TSC22D1: variants seen among roughly 807,000 people sequenced by gnomAD.
TSC22D1 encodes TSC22 domain family member 1.
TSC22D1 carries 9 observed loss-of-function variants against 74.2 expected under a neutral mutation model. The ratio of observed to expected loss-of-function variants is 0.12; its 90% CI spans 0.07 to 0.21. The LOEUF (loss-of-function observed/expected upper bound fraction) is 0.21, where lower values mean the gene tolerates loss of function less well. Ranked by LOEUF, TSC22D1 falls within the 10% of genes least tolerant of loss-of-function variation. TSC22D1 has a pLI of 1.00. For synonymous variants in TSC22D1, 586 were observed against 492.5 expected (o/e 1.19, Z -2.51); for missense variants, 1,427 against 1,304.7 (o/e 1.09, Z -1.44).
intron 1 of TSC22D1, among the ~76,000 whole-genome samples, chr13:44,447,264 G>T (rs933362729): frequency 6.6e-6 from 1 of 151,720 alleles, no homozygotes; most frequent in South Asian, 2.1e-4. Flanking sequence ...GATTATAGGC[G>T]TGAGCCACCA....
At chr13:44,547,754 G>T (rs922533771) in intron 1 of TSC22D1, among the ~76,000 whole-genome samples, 1 of 152,042 alleles carries the variant, frequency 6.6e-6, no homozygotes, top group African/African-American at 2.4e-5. Flanking sequence ...CTTACTGAGA[G>T]CTTAGTATAT....
chr13:44,445,525 A>G (rs1365761352), intron 1 of TSC22D1, among the ~76,000 whole-genome samples: 1 of 152,182 alleles, frequency 6.6e-6, no homozygotes, highest in African/African-American at 2.4e-5. Context: ...AATTGATAAA[A>G]TGGACTTTTA....
chr13:44,456,573 G>C (rs570062692), intron 1 of TSC22D1, among the ~76,000 whole-genome samples: 2 of 152,164 alleles, frequency 1.3e-5, no homozygotes, highest in Non-Finnish European at 2.9e-5. Flanking sequence ...AAGCCCAGCC[G>C]GCTTCACCTT....
chr13:44,533,543 G>A (rs1009666032), intron 1 of TSC22D1, among the ~76,000 whole-genome samples: 3 of 151,844 alleles, frequency 2.0e-5, no homozygotes, highest in South Asian at 2.1e-4. Context: ...CAGCACTCTG[G>A]GAGGCTGAGG....
chr13:44,506,410 C>T (rs531506988), intron 1 of TSC22D1, among the ~76,000 whole-genome samples: 1 of 152,212 alleles, frequency 6.6e-6, no homozygotes, highest in East Asian at 1.9e-4. Context: ...CATGTTCTCG[C>T]TTATAAGTGG....
At chr13:44,492,327 A>G (rs534782182) in intron 1 of TSC22D1, among the ~76,000 whole-genome samples, 1 of 152,310 alleles carries the variant, frequency 6.6e-6, no homozygotes, top group East Asian at 1.9e-4. Flanking sequence ...ATCTCATGTA[A>G]TTTATTGAAT....
intron 1 of TSC22D1, among the ~76,000 whole-genome samples, chr13:44,487,700 G>A (rs1161592927): frequency 4.1e-5 from 6 of 147,654 alleles, no homozygotes; most frequent in African/African-American, 1.2e-4. Flanking sequence ...CACTTCAAGA[G>A]GTTAAAAAAA....
chr13:44,567,085 G>A (rs1883424693), intron 1 of TSC22D1, among the ~76,000 whole-genome samples: 2 of 152,188 alleles, frequency 1.3e-5, no homozygotes, highest in South Asian at 4.1e-4. Context: ...AAGGAAATCA[G>A]GCACAGCAAA....
intron 1 of TSC22D1, among the ~76,000 whole-genome samples, chr13:44,442,236 GTC>G (rs1322363538): frequency 1.3e-5 from 2 of 152,144 alleles, no homozygotes; most frequent in African/African-American, 4.8e-5. Context: ...ATTTAATAAA[GTC>G]TCTAGCATCC....
chr13:44,571,792 T>A (rs1883783108), intron 1 of TSC22D1, among the ~76,000 whole-genome samples: 1 of 152,186 alleles, frequency 6.6e-6, no homozygotes, highest in Admixed American at 6.5e-5. Flanking sequence ...AGAATACATT[T>A]GGTTAGGTAA....
At position 44,434,646 on chromosome 13, in the gene TSC22D1, C is replaced by T; in HGVS notation, c.3202G>A (p.Gly1068Ser). ...GGCAGCTATGCGGTTGGTCCTGAGC[C>T]CTGCGATGCTGGCTGGGCGGGGGGC... is the stretch of plus-strand genomic sequence containing the variant. The part of the protein sequence containing the change: ...TQPPAQPASQ[G>S]SGPTA The change falls in exon 3 of 3, where the codon GGC (glycine) becomes AGC (serine). Residue 1068 changes from glycine to serine, a missense_variant. Gly to Ser is a moderately conservative substitution (Grantham distance 56). Transcript: ENST00000458659. 2.5e-6 allele frequency: 4 copies of T among 1,579,346 alleles called. No homozygotes were observed. Among genetic ancestry groups the T allele is most frequent in the Non-Finnish European group, 3.4e-6 (4 of 1,164,912 alleles).
At chr13:44,537,603 T>A (rs890013931) in intron 1 of TSC22D1, 1 of 984,866 alleles carries the variant, frequency 1.0e-6, no homozygotes, top group Admixed American at 6.2e-5. Context: ...CAGTTGTTTT[T>A]TTTAATTTAT....
intron 1 of TSC22D1, among the ~76,000 whole-genome samples, chr13:44,458,124 C>T (rs1269747681): frequency 6.6e-6 from 1 of 152,210 alleles, no homozygotes; most frequent in Non-Finnish European, 1.5e-5. Flanking sequence ...ATCTGATCCT[C>T]CTAATTTCTC....
At chr13:44,448,196 A>C (rs1053481052) in intron 1 of TSC22D1, among the ~76,000 whole-genome samples, 5 of 152,158 alleles carry the variant, frequency 3.3e-5, no homozygotes, top group African/African-American at 1.2e-4. Flanking sequence ...TCTTGCATGA[A>C]GTGAAAAATG....
At chr13:44,458,711 A>G (rs1463522963) in intron 1 of TSC22D1, among the ~76,000 whole-genome samples, 1 of 152,144 alleles carries the variant, frequency 6.6e-6, no homozygotes, top group African/African-American at 2.4e-5. Flanking sequence ...CCCCACTCCC[A>G]GTGCCCGCTC....
At chr13:44,449,792 G>A (rs1428238380) in intron 1 of TSC22D1, among the ~76,000 whole-genome samples, 2 of 152,202 alleles carry the variant, frequency 1.3e-5, no homozygotes, top group African/African-American at 4.8e-5. Context: ...TACTGTAAAA[G>A]AAATGGTCAA....
chr13:44,437,777 T>C (rs922466091), intron 1 of TSC22D1, among the ~76,000 whole-genome samples: 6 of 152,210 alleles, frequency 3.9e-5, no homozygotes, highest in East Asian at 1.9e-4. Flanking sequence ...ATCAGAGGGA[T>C]TGAAATATTA....
intron 1 of TSC22D1, among the ~76,000 whole-genome samples, chr13:44,531,253 T>A (rs1880819864): frequency 6.6e-6 from 1 of 152,188 alleles, no homozygotes; most frequent in Non-Finnish European, 1.5e-5. Context: ...GGTCAACTAT[T>A]CCATAAATGT....
chr13:44,445,439 CA>C (rs1229225422), intron 1 of TSC22D1, among the ~76,000 whole-genome samples: 1 of 151,506 alleles, frequency 6.6e-6, no homozygotes, highest in African/African-American at 2.4e-5. Flanking sequence ...TATAAGAAAA[CA>C]TAAATCTTTT....
Sources: allele counts gnomAD v4.1 joint callset (sites outside exome capture counted in the v4.1 genomes callset), GRCh38; gene constraint gnomAD v4.1.1; transcripts MANE v1.5; gene names NCBI Gene and HGNC (gene_info 2026-07-23, HGNC 2026-07-21).